CLASP2: variants seen among roughly 807,000 people sequenced by gnomAD.
CLASP2 encodes the protein cytoplasmic linker associated protein 2, also known as CLIP-associating protein 2.
CLASP2 carries 47 observed loss-of-function variants against 194.4 expected under a neutral mutation model. The observed-to-expected ratio is 0.24, with a 90% CI of 0.19 to 0.31. The LOEUF (loss-of-function observed/expected upper bound fraction) is 0.31. Among genes scored for constraint, CLASP2 ranks in the 10% least tolerant of loss-of-function variants. The pLI is 1.00. For synonymous variants in CLASP2, 619 were observed against 633.5 expected (o/e 0.98, Z 0.34); for missense variants, 1,445 against 1,823.6 (o/e 0.79, Z 3.78).
At position 33,603,060 on chromosome 3, in the gene CLASP2, C is replaced by A; in HGVS notation, c.1816G>T (p.Asp606Tyr). ...TTGGCACCTGCAGCAGCATTCACAT[C>A]AATGTCACTTCGTGAACGCTGCAGG... ...GSLQRSRSDIDVNAAAGAKAH... is the reference protein window; with the variant it reads ...GSLQRSRSDIYVNAAAGAKAH... The change falls in exon 18 of 39, where the codon GAT (aspartate) becomes TAT (tyrosine). Residue 606 changes from aspartate to tyrosine, a missense_variant. Coordinates refer to ENST00000682230, the MANE Select transcript of CLASP2 (RefSeq NM_001365631.1). 1 of 1,601,464 alleles carries A rather than the reference C, an allele frequency of 6.2e-7. No homozygotes were observed. Among genetic ancestry groups the A allele is most frequent in the Non-Finnish European group, 8.5e-7 (1 of 1,173,702 alleles).
At chr3:33,553,053 CTT>C (rs1370221371) in intron 29 of CLASP2, among the ~76,000 whole-genome samples, 1 of 152,106 alleles carries the variant, frequency 6.6e-6, no homozygotes, top group African/African-American at 2.4e-5. Flanking sequence ...ATGATTGAAA[CTT>C]GAGAAAAAAT....
At chr3:33,706,230 A>C (rs903094195) in intron 1 of CLASP2, among the ~76,000 whole-genome samples, 1 of 152,222 alleles carries the variant, frequency 6.6e-6, no homozygotes, top group Non-Finnish European at 1.5e-5. Context: ...CCTGGGCAAC[A>C]GAGTGAGATC....
chr3:33,565,327 C>T (rs982554693), intron 27 of CLASP2, among the ~76,000 whole-genome samples: 2 of 151,890 alleles, frequency 1.3e-5, no homozygotes, highest in South Asian at 2.1e-4. Flanking sequence ...TACAGGCCAG[C>T]GCCACCACAC....
chr3:33,510,904 G>A (rs1359540393), intron 36 of CLASP2, 140 bp from the exon 37 acceptor site: 5 of 771,006 alleles, frequency 6.5e-6, no homozygotes, highest in Admixed American at 2.8e-5. Flanking sequence ...CATGAAAAGT[G>A]AGGGTACAGA....
intron 34 of CLASP2, among the ~76,000 whole-genome samples, chr3:33,520,191 A>G (rs1247122304): frequency 6.6e-6 from 1 of 151,430 alleles, no homozygotes; most frequent in East Asian, 1.9e-4. Flanking sequence ...TTTTTGTTAG[A>G]GATGGGGTTT....
intron 7 of CLASP2, among the ~76,000 whole-genome samples, chr3:33,650,269 G>C (rs1345260865): frequency 6.6e-6 from 1 of 152,200 alleles, no homozygotes; most frequent in African/African-American, 2.4e-5. Context: ...GGGATCATTA[G>C]TGAATTGAAA....
intron 18 of CLASP2, among the ~76,000 whole-genome samples, chr3:33,598,933 T>TA (rs1301550217): frequency 1.3e-5 from 2 of 152,126 alleles, no homozygotes; most frequent in Non-Finnish European, 2.9e-5. Context: ...TCAAAACACT[T>TA]AAAATATCCC....
At chr3:33,608,488 G>T in intron 14 of CLASP2, 79 bp downstream of exon 14, 1 of 1,138,006 alleles carries the variant, frequency 8.8e-7, no homozygotes, top group Non-Finnish European at 1.3e-6. Context: ...GAGAAATAAT[G>T]TAAAACCAAT....
At chr3:33,683,809 G>A (rs1006462987) in intron 6 of CLASP2, among the ~76,000 whole-genome samples, 6 of 147,986 alleles carry the variant, frequency 4.1e-5, no homozygotes, top group East Asian at 2.0e-4. Flanking sequence ...GTGTAGTGGC[G>A]TATGCCTGTA....
intron 6 of CLASP2, among the ~76,000 whole-genome samples, chr3:33,672,986 G>A (rs995027192): frequency 4.5e-4 from 69 of 152,278 alleles, no homozygotes; most frequent in Non-Finnish European, 7.5e-4. Context: ...TGAAAGTGAC[G>A]GGGAGAATGG....
At chr3:33,531,766 A>G (rs775120499) in intron 34 of CLASP2, among the ~76,000 whole-genome samples, 19 of 151,928 alleles carry the variant, frequency 1.3e-4, no homozygotes, top group Non-Finnish European at 2.4e-4. Flanking sequence ...CAAGAGCGAA[A>G]CTCTGTCTCA....
rs947143482 is a variant in CLASP2 at position 33,607,237 on chromosome 3, A to G, written c.1526+147T>C. ...TGTAGGAGGCTGTTAGATGTCTAAT[A>G]CAGATGTAATGGAGAAAAAACAATC... On this transcript the variant is annotated intron_variant, in intron 15 of 38. Transcript: ENST00000682230. 8 of 562,472 alleles carry G rather than the reference A, an allele frequency of 1.4e-5. No individual in the cohort carries two copies. The African/African-American group carries it at 1.5e-4, about 11-fold the overall frequency. The allele number at this position is 562,472 out of a possible 1,614,324, so 34.8% of individuals were successfully genotyped here.
Position 33,688,296 on chromosome 3 carries a change from GAC to G in CLASP2, c.449_450del (p.Cys150SerfsTer3). On this transcript the variant is annotated frameshift_variant, in exon 4 of 39. Transcript: ENST00000682230. LOFTEE classifies it high-confidence loss of function. ...NFRSREGVCL[C>X]LIETLNIFGA... ...ACTTACATGTTTAAGGTTTCAATAA[GAC>G]ACAGACACACGCCTTCTCGAGATCG... The G allele has an allele frequency of 6.3e-7, 1 of 1,585,060 alleles. No homozygotes were observed. Among genetic ancestry groups the G allele is most frequent in the Non-Finnish European group, 8.6e-7 (1 of 1,164,634 alleles).
At chr3:33,585,323 G>C (rs1236960596) in intron 21 of CLASP2, among the ~76,000 whole-genome samples, 1 of 152,120 alleles carries the variant, frequency 6.6e-6, no homozygotes, top group Admixed American at 6.5e-5. Flanking sequence ...TTAACAATGG[G>C]ATACATTCTG....
chr3:33,524,273 G>T (rs2053906281), intron 34 of CLASP2, among the ~76,000 whole-genome samples: 1 of 152,184 alleles, frequency 6.6e-6, no homozygotes, highest in South Asian at 2.1e-4. Flanking sequence ...ATTACTATTT[G>T]CATGGTATAT....
intron 6 of CLASP2, among the ~76,000 whole-genome samples, chr3:33,679,850 T>C (rs2089487733): frequency 6.6e-6 from 1 of 152,204 alleles, no homozygotes; most frequent in African/African-American, 2.4e-5. Flanking sequence ...AAACATACTC[T>C]TACCATGCAA....
At chr3:33,567,281 G>A (rs2062916398) in intron 26 of CLASP2, among the ~76,000 whole-genome samples, 1 of 152,194 alleles carries the variant, frequency 6.6e-6, no homozygotes, top group South Asian at 2.1e-4. Flanking sequence ...GGTAAGATGT[G>A]TGTTATGGTC....
At chr3:33,715,843 TAAGTAAAAAA>T (rs1476301114) in intron 1 of CLASP2, among the ~76,000 whole-genome samples, 51 of 109,834 alleles carry the variant, frequency 4.6e-4, no homozygotes, top group African/African-American at 1.9e-3. Flanking sequence ...TATTGTATCT[TAAGTAAAAAA>T]AAAAAAAAAA....
intron 34 of CLASP2, among the ~76,000 whole-genome samples, chr3:33,523,511 TA>T (rs2053707149): frequency 6.6e-6 from 1 of 152,172 alleles, no homozygotes. Context: ...TAGGCTGATA[TA>T]TTCAAAGTGC....
Sources: gnomAD v4.1 joint callset for allele counts (sites outside exome capture counted in the v4.1 genomes callset) on GRCh38, gnomAD v4.1.1 for gene constraint, MANE v1.5 for transcripts, NCBI Gene and HGNC (gene_info 2026-07-23, HGNC 2026-07-21) for gene names.